WRAP73: variants seen among roughly 807,000 people sequenced by gnomAD.
WRAP73 encodes the protein WD repeat-containing protein WRAP73.
In WRAP73, 55 loss-of-function variants were observed where a neutral mutation model predicts 59.6. The observed-to-expected ratio is 0.92, with a 90% confidence interval of 0.74 to 1.15. WRAP73 has a LOEUF of 1.15. Ranked by LOEUF, WRAP73 falls within the 50% of genes most tolerant of loss-of-function variation. WRAP73 has a pLI of 0.00. For missense variants in WRAP73, 592 were observed against 608.1 expected, an observed-to-expected ratio of 0.97 and a Z score of 0.28; for synonymous variants, 265 against 258.2, an observed-to-expected ratio of 1.03 and a Z score of -0.25.
Position 3,646,783 on chromosome 1 carries a change from C to T in WRAP73, c.223-1G>A. The stretch of plus-strand genomic sequence containing the variant: ...ATTCGGGCTGCTCTAAAGACCAGAC[C>T]TGGATTGAGAGAAGAAAGAAACACA... On this transcript the variant is annotated splice_acceptor_variant, in intron 2 of 11. Coordinates refer to ENST00000270708, the MANE Select transcript of WRAP73 (RefSeq NM_017818.4). LOFTEE classifies it high-confidence loss of function. The surrounding 1 kb of genome is among the most constrained non-coding windows in gnomAD (Gnocchi z 5.1). 6.2e-7 allele frequency: 1 copy of T among 1,610,020 alleles called. No homozygotes were observed. Among genetic ancestry groups the T allele is most frequent in the South Asian group, 1.1e-5 (1 of 90,846 alleles).
At position 3,637,096 on chromosome 1, in the gene WRAP73, T is replaced by C. The variant is rs1301323677; in HGVS notation, c.415A>G (p.Ile139Val). 6.2e-7 allele frequency: 1 copy of C among 1,607,040 alleles called. No homozygotes were observed. The highest frequency in any genetic ancestry group is 1.3e-5 in the African/African-American group (1 of 74,752). ...TAGCGGCCGTCCCTGGTGAAGGTGA[T>C]TCCTGTGGGAAGAGGCAAATGCACT... The part of the protein sequence containing the change: ...IKYPKACLQG[I>V]TFTRDGRYMA... The change falls in exon 5 of 12, where the codon ATC becomes GTC. Residue 139 changes from isoleucine to valine, a missense_variant and splice_region_variant. By Grantham distance (29) the Ile-to-Val change is conservative. Coordinates refer to ENST00000270708, the MANE Select transcript of WRAP73 (RefSeq NM_017818.4).
In WRAP73 at chr1:3,635,111, C is replaced by G; in HGVS notation, c.739-37G>C. On this transcript the variant is annotated intron_variant, in intron 7 of 11. Transcript: ENST00000270708. ...AACCATGCACAGGTGAGGCAGGGCC[C>G]GGCCCGCTGGGCGGTCGGACTTCCT... is the stretch of plus-strand genomic sequence containing the variant. The G allele has an allele frequency of 3.1e-6, 5 of 1,614,158 alleles. No homozygotes were observed. The East Asian group carries it at 6.7e-5, about 22-fold the overall frequency.
At chr1:3,631,996 T>G (rs1644539868) in intron 10 of WRAP73, 1 of 1,433,320 alleles carries the variant, frequency 7.0e-7, no homozygotes, top group Non-Finnish European at 9.1e-7. Flanking sequence ...GTGAGCAGGG[T>G]GGAGGCCTCC....
At chr1:3,643,230 A>G (rs978393678) in intron 3 of WRAP73, among the ~76,000 whole-genome samples, 5 of 152,370 alleles carry the variant, frequency 3.3e-5, no homozygotes, top group South Asian at 2.1e-4. Flanking sequence ...ACAAGCCCCT[A>G]TAAATCAACT....
At position 3,639,151 on chromosome 1, in the gene WRAP73, A is replaced by G. The variant is rs1266406818; in HGVS notation, c.340-329T>C. The G allele has an allele frequency of 1.5e-5, 4 of 272,240 alleles. No homozygotes were observed. Among genetic ancestry groups the G allele is most frequent in the African/African-American group, 9.1e-5 (4 of 43,884 alleles). The allele number at this position is 272,240 out of a possible 1,614,324, so 16.9% of individuals were successfully genotyped here. ...AATAACCCTGAGTTACTCAGAGAAA[A>G]ATCTTGATCTAGAAACCACCACGGG... On this transcript the variant is annotated intron_variant, in intron 3 of 11. Transcript: ENST00000270708. This position sits in a 1 kb window ranked among gnomAD's most constrained non-coding sequence, Gnocchi z 4.3.
intron 10 of WRAP73, chr1:3,632,006 C>G (rs770393667): frequency 2.3e-4 from 338 of 1,450,764 alleles, no homozygotes; most frequent in Non-Finnish European, 2.9e-4. Flanking sequence ...TGGAGGCCTC[C>G]TGACTCATGC....
rs1411249490 is a variant in WRAP73 at position 3,635,714 on chromosome 1, G to A, written c.603+230C>T. 4 of 528,592 alleles carry A rather than the reference G, an allele frequency of 7.6e-6. No homozygotes were observed. In the Admixed American group the frequency reaches 1.0e-4, roughly 14 times the overall value. The allele number at this position is 528,592 out of a possible 1,614,324, so 32.7% of individuals were successfully genotyped here. A position where few individuals can be genotyped will look rare whatever the true frequency, so the allele number is the denominator to read the frequency against. On this transcript the variant is annotated intron_variant, in intron 6 of 11. Transcript: ENST00000270708. ...TGCATGCTTGTGGTCCCAGCTACTT[G>A]GGAGGCTGAGGTAGGAGGATCACTT...
intron 11 of WRAP73, 25 bp from the exon 12 acceptor site, chr1:3,631,142 G>A (rs1644528578): frequency 6.2e-7 from 1 of 1,612,730 alleles, no homozygotes; most frequent in Non-Finnish European, 8.5e-7. Flanking sequence ...GTGGCCAGAG[G>A]ATTACAGCAG....
intron 3 of WRAP73, among the ~76,000 whole-genome samples, chr1:3,644,670 A>C (rs915352200): frequency 6.6e-6 from 1 of 152,244 alleles, no homozygotes; most frequent in Non-Finnish European, 1.5e-5. Context: ...GGCCACCAGC[A>C]AAGTGGTCAT....
At chr1:3,637,210 A>C (rs369224807) in intron 4 of WRAP73, 112 bp from the exon 5 acceptor site, 3 of 941,578 alleles carry the variant, frequency 3.2e-6, no homozygotes, top group African/African-American at 3.3e-5. Context: ...GGTGAAAAGA[A>C]GGGAAATGGC....
Position 3,635,282 on chromosome 1 carries a change from G to C in WRAP73, c.616C>G (p.Leu206Val). The C allele has an allele frequency of 6.2e-7, 1 of 1,613,902 alleles. No homozygotes were observed. The highest frequency in any genetic ancestry group is 8.5e-7 in the Non-Finnish European group (1 of 1,180,034). ...WDTCLEYKIL[L>V]YSLDGRLLST... ...AACAACCGGCCATCCAATGAGTACA[G>C]CAGAATCTTGTACTGCAGATGAGAC... Residue 206 changes from leucine to valine, a missense_variant, in exon 7 of 12, where the codon CTG (leucine) becomes GTG (valine). Coordinates refer to ENST00000270708, the MANE Select transcript of WRAP73 (RefSeq NM_017818.4).
In WRAP73 at chr1:3,646,950, A is replaced by G. The variant is rs12087237; in HGVS notation, c.223-168T>C. Among the ~76,000 whole-genome samples the G allele has an allele frequency of 0.26, 10,344 of 39,040 alleles. 1,113 individuals carry two copies. The highest frequency in any genetic ancestry group is 0.44 in the African/African-American group (9,618 of 21,692). The allele number at this position is 39,040 out of a possible 152,430, so 25.6% of individuals were successfully genotyped here. ...GAGAGACAACTCCCTTAAAACCAGC[A>G]GAGACCCGATCACACAGGGTGTCTT... On this transcript the variant is annotated intron_variant, in intron 2 of 11. Coordinates refer to ENST00000270708, the MANE Select transcript of WRAP73 (RefSeq NM_017818.4). The surrounding 1 kb of genome is among the most constrained non-coding windows in gnomAD (Gnocchi z 5.1).
chr1:3,634,186 C>T (rs966156059), intron 8 of WRAP73: 2 of 153,286 alleles, frequency 1.3e-5, no homozygotes, highest in African/African-American at 4.8e-5. Flanking sequence ...GCCTGAAACA[C>T]CCTTTCTGCC....
intron 9 of WRAP73, 75 bp from the exon 10 acceptor site, chr1:3,632,413 C>T: frequency 6.2e-7 from 1 of 1,609,024 alleles, no homozygotes; most frequent in Non-Finnish European, 8.5e-7. Flanking sequence ...GGCTGCTGTG[C>T]CTGCATCGGG....
At position 3,650,103 on chromosome 1, in the gene WRAP73, C is replaced by T; in HGVS notation, c.-104G>A. The T allele has an allele frequency of 8.0e-7, 1 of 1,245,922 alleles. No individual in the cohort carries two copies. Among genetic ancestry groups the T allele is most frequent in the Non-Finnish European group, 1.1e-6 (1 of 915,826 alleles). 77.2% of individuals were successfully genotyped at this position (1,245,922 alleles called of 1,614,324 possible). A position where few individuals can be genotyped will look rare whatever the true frequency, so the allele number is the denominator to read the frequency against. ...GACGCCGGCCTCCGAGGCCGGAAGTCAGAAGGCGGAAGTGAACTGCAGCCT... is the reference window on the plus strand; with the variant it reads ...GACGCCGGCCTCCGAGGCCGGAAGTTAGAAGGCGGAAGTGAACTGCAGCCT... On this transcript the variant is annotated 5_prime_UTR_variant, in exon 1 of 12. Coordinates refer to ENST00000270708, the MANE Select transcript of WRAP73 (RefSeq NM_017818.4).
rs559583661 is a variant in WRAP73 at position 3,637,078 on chromosome 1, C to T, written c.433G>A (p.Gly145Ser). ...CGTTCTGCCAGCGCCATGTAGCGGC[C>T]GTCCCTGGTGAAGGTGATTCCTGTG... ...CLQGITFTRD[G>S]RYMALAERRD... Residue 145 changes from glycine to serine, a missense_variant, in exon 5 of 12, where the codon GGC becomes AGC. Transcript: ENST00000270708. The T allele has an allele frequency of 2.2e-5, 36 of 1,611,252 alleles. No homozygotes were observed. Among genetic ancestry groups the T allele is most frequent in the Admixed American group, 2.0e-4 (12 of 59,838 alleles).
chr1:3,649,741 G>A (rs1314588178), intron 1 of WRAP73, among the ~76,000 whole-genome samples, 190 bp downstream of exon 1: 3 of 149,042 alleles, frequency 2.0e-5, no homozygotes, highest in Non-Finnish European at 4.5e-5. Flanking sequence ...CCTGGGTCCC[G>A]CACCTGTCTG....
intron 4 of WRAP73, 102 bp downstream of exon 4, chr1:3,638,648 T>G: frequency 7.6e-7 from 1 of 1,309,320 alleles, no homozygotes; most frequent in Non-Finnish European, 1.1e-6. Context: ...GGCTATGTGT[T>G]GATATGCTGC....
At chr1:3,634,645 G>C in intron 8 of WRAP73, 1 of 323,420 alleles carries the variant, frequency 3.1e-6, no homozygotes, top group Non-Finnish European at 6.0e-6. Context: ...CCAGAGCACA[G>C]TGCCTGGCAC....
Sources: gnomAD v4.1 joint callset for allele counts (sites outside exome capture counted in the v4.1 genomes callset) on GRCh38, gnomAD v4.1.1 for gene constraint, Gnocchi (gnomAD v3.1) non-coding constraint, MANE v1.5 for transcripts, NCBI Gene and HGNC (gene_info 2026-07-23, HGNC 2026-07-21) for gene names.